The following DLGAP4 variants were observed in gnomAD, a reference collection of about 807,000 sequenced individuals.
DLGAP4 encodes the protein DLG associated protein 4.
DLGAP4 carries 18 observed loss-of-function variants against 86.9 expected under a neutral mutation model. The ratio of observed to expected loss-of-function variants is 0.21; its 90% CI spans 0.14 to 0.31. DLGAP4 has a LOEUF of 0.31. DLGAP4 is among the 10% of genes least tolerant of loss of function. The pLI, the probability that DLGAP4 is intolerant of heterozygous loss-of-function variation, is 1.00. For missense variants in DLGAP4, 1,085 were observed against 1,362.6 expected (o/e 0.80, Z 3.21); for synonymous variants, 548 against 574.3 (o/e 0.95, Z 0.65).
At chr20:36,511,336 G>A (rs909812764) in intron 10 of DLGAP4, among the ~76,000 whole-genome samples, 2 of 152,066 alleles carry the variant, frequency 1.3e-5, no homozygotes, top group Non-Finnish European at 2.9e-5. Context: ...CCAAGTAGCT[G>A]AGGCTACAGG....
chr20:36,317,223 T>TTTTCTTTCTTTC (rs1229773592), intron 1 of DLGAP4, among the ~76,000 whole-genome samples: 17 of 93,708 alleles, frequency 1.8e-4, no homozygotes, highest in African/African-American at 2.4e-4. Context: ...TCCTCTCCTT[T>TTTTCTTTCTTTC]TTTCTTTCTT....
intron 2 of DLGAP4, among the ~76,000 whole-genome samples, chr20:36,392,659 C>T (rs972834477): frequency 2.6e-5 from 4 of 152,360 alleles, no homozygotes; most frequent in East Asian, 1.9e-4. Flanking sequence ...TGAGCCACCG[C>T]GCCCAGCCCA....
In DLGAP4 at chr20:36,461,644, A is replaced by G. The variant is rs1379503701; in HGVS notation, c.1648+14707A>G. The G allele has an allele frequency of 2.9e-5, 25 of 864,680 alleles. No homozygotes were observed. The Admixed American group carries it at 1.6e-3, about 56-fold the overall frequency. The allele number at this position is 864,680 out of a possible 1,614,324, so 53.6% of individuals were successfully genotyped here. A position where few individuals can be genotyped will look rare whatever the true frequency, so the allele number is the denominator to read the frequency against. ...CGCCCGGAGCAGCCGCGGCCCCGCG[A>G]GGAGACGGGGGCCGCCCCGCCCGGC... On this transcript the variant is annotated intron_variant, in intron 7 of 12. Transcript: ENST00000339266.
intron 1 of DLGAP4, among the ~76,000 whole-genome samples, chr20:36,317,622 TAAA>T (rs1346388237): frequency 6.9e-6 from 1 of 144,618 alleles, no homozygotes. Context: ...CCCAGCTAAT[TAAA>T]AAAAAAAAAA....
At chr20:36,406,149 AG>A (rs1405396790) in intron 2 of DLGAP4, among the ~76,000 whole-genome samples, 3 of 152,180 alleles carry the variant, frequency 2.0e-5, no homozygotes, top group Non-Finnish European at 4.4e-5. Context: ...CTGTAATCCC[AG>A]CACTTTGGGA....
At chr20:36,522,498 AAG>A (rs2037437860) in intron 10 of DLGAP4, among the ~76,000 whole-genome samples, 1 of 151,932 alleles carries the variant, frequency 6.6e-6, no homozygotes, top group Non-Finnish European at 1.5e-5. Context: ...TATTTCAAAT[AAG>A]AGATTATTGG....
intron 2 of DLGAP4, among the ~76,000 whole-genome samples, chr20:36,381,046 C>A (rs2031373106): frequency 6.6e-6 from 1 of 152,186 alleles, no homozygotes; most frequent in Admixed American, 6.5e-5. Context: ...GCATGATCCA[C>A]CTTAAAGTAC....
At chr20:36,473,899 G>GTT (rs1472953125) in intron 7 of DLGAP4, among the ~76,000 whole-genome samples, 1 of 152,224 alleles carries the variant, frequency 6.6e-6, no homozygotes, top group Non-Finnish European at 1.5e-5. Context: ...TGTACCTATA[G>GTT]TTAAGAGCAT....
chr20:36,485,682 C>T (rs1161719266), intron 7 of DLGAP4, among the ~76,000 whole-genome samples: 1 of 152,162 alleles, frequency 6.6e-6, no homozygotes, highest in Non-Finnish European at 1.5e-5. Context: ...GAGTAAAAAG[C>T]CTCTTCTCCC....
chr20:36,361,173 G>A (rs1465093461), intron 1 of DLGAP4, among the ~76,000 whole-genome samples: 1 of 152,126 alleles, frequency 6.6e-6, no homozygotes, highest in Non-Finnish European at 1.5e-5. Flanking sequence ...TTGCGGAGAG[G>A]AGAAACAAGG....
chr20:36,447,902 G>GC (rs1491365104), intron 7 of DLGAP4, among the ~76,000 whole-genome samples: 4 of 12,426 alleles, frequency 3.2e-4, no homozygotes, highest in Non-Finnish European at 1.7e-3. Context: ...TCAGGGGGGT[G>GC]GGGGGGGGGG....
intron 2 of DLGAP4, among the ~76,000 whole-genome samples, chr20:36,379,078 G>A (rs1270835860): frequency 6.6e-6 from 1 of 152,194 alleles, no homozygotes; most frequent in East Asian, 1.9e-4. Context: ...TGCCAAGAGA[G>A]AGGGGGCCAC....
chr20:36,368,277 C>T (rs2030773859), intron 2 of DLGAP4, among the ~76,000 whole-genome samples: 1 of 152,204 alleles, frequency 6.6e-6, no homozygotes, highest in African/African-American at 2.4e-5. Context: ...AGCCCATGCC[C>T]TCAGCAAGGT....
intron 1 of DLGAP4, among the ~76,000 whole-genome samples, chr20:36,333,311 A>G (rs2147362547): frequency 6.6e-6 from 1 of 152,252 alleles, no homozygotes; most frequent in East Asian, 1.9e-4. Context: ...CATTTTTCAT[A>G]CTAAGAAGTT....
At chr20:36,465,555 T>C (rs2147635665) in intron 7 of DLGAP4, among the ~76,000 whole-genome samples, 1 of 152,320 alleles carries the variant, frequency 6.6e-6, no homozygotes, top group East Asian at 1.9e-4. Flanking sequence ...CCATCTGTTC[T>C]GGGAGGAGGG....
At chr20:36,487,315 G>A (rs1220889069) in intron 7 of DLGAP4, among the ~76,000 whole-genome samples, 1 of 152,204 alleles carries the variant, frequency 6.6e-6, no homozygotes, top group Non-Finnish European at 1.5e-5. Flanking sequence ...TGAGATAGTA[G>A]GTGATACTCC....
chr20:36,436,175 G>A lies in DLGAP4; in HGVS notation c.1066G>A (p.Glu356Lys), dbSNP rs746279816. ...CCCACGCGAGACGGATGCCGCGGCC[G>A]AGGGCCCTATCCCGTGCCGGCGCAT... ...LSPRETDAAAEGPIPCRRMRS... is the reference protein window; with the variant it reads ...LSPRETDAAAKGPIPCRRMRS... Residue 356 changes from glutamate (E) to lysine (K), a missense_variant, in exon 4 of 13, where the codon GAG (glutamate) becomes AAG (lysine). Coordinates refer to ENST00000339266, the MANE Select transcript of DLGAP4 (RefSeq NM_001365621.2). 1.8e-5 allele frequency: 29 copies of A among 1,598,710 alleles called. No homozygotes were observed. Among genetic ancestry groups the A allele is most frequent in the Middle Eastern group, 3.8e-4 (2 of 5,296 alleles).
chr20:36,417,795 G>A (rs2032704035), intron 2 of DLGAP4, among the ~76,000 whole-genome samples: 1 of 150,920 alleles, frequency 6.6e-6, no homozygotes, highest in Admixed American at 6.6e-5. Flanking sequence ...TGTTGTTGTT[G>A]TTGTTTGAGA....
At chr20:36,425,056 GAAGCCATCAGTGCTAATGGGGAAGGA>G (rs1845418248) in intron 2 of DLGAP4, among the ~76,000 whole-genome samples, 1 of 152,144 alleles carries the variant, frequency 6.6e-6, no homozygotes, top group Non-Finnish European at 1.5e-5. Flanking sequence ...GGGGGGAAGG[GAAGCCATCAGTGCTAATGGGGAAGGA>G]AAGAGCGAGT....
Sources: allele counts gnomAD v4.1 joint callset (sites outside exome capture counted in the v4.1 genomes callset), GRCh38; gene constraint gnomAD v4.1.1; transcripts MANE v1.5; gene names NCBI Gene and HGNC (gene_info 2026-07-23, HGNC 2026-07-21).